MFHAS1: variants seen among roughly 807,000 people sequenced by gnomAD.
MFHAS1 encodes the protein multifunctional ROCO family signaling regulator 1, also known as malignant fibrous histiocytoma-amplified sequence 1.
A neutral mutation model predicts 70.4 loss-of-function variants in MFHAS1; 50 were observed. The observed-to-expected ratio is 0.71, with a 90% CI of 0.57 to 0.90. MFHAS1 has a LOEUF of 0.90. MFHAS1 is among the 40% of genes least tolerant of loss of function. The pLI is 0.00. For missense variants in MFHAS1, 1,795 were observed against 1,347.6 expected, an observed-to-expected ratio of 1.33 and a Z score of -5.20; for synonymous variants, 952 against 620.0, an observed-to-expected ratio of 1.54 and a Z score of -7.96.
intron 1 of MFHAS1, among the ~76,000 whole-genome samples, chr8:8,853,260 T>A (rs1394198022): frequency 1.3e-5 from 2 of 151,976 alleles, no homozygotes; most frequent in Non-Finnish European, 2.9e-5. Context: ...CACAGTTTGC[T>A]CGGAAGCTAC....
At chr8:8,791,162 T>C (rs1461670470) in intron 2 of MFHAS1, among the ~76,000 whole-genome samples, 18 of 138,306 alleles carry the variant, frequency 1.3e-4, no homozygotes, top group Non-Finnish European at 1.7e-4. Context: ...TGTTAACACA[T>C]GATCAGCCAA....
At chr8:8,882,163 C>T (rs1350711313) in intron 1 of MFHAS1, among the ~76,000 whole-genome samples, 1 of 152,074 alleles carries the variant, frequency 6.6e-6, no homozygotes, top group Non-Finnish European at 1.5e-5. Flanking sequence ...GGCAGACCAC[C>T]TGAGGTCAGG....
intron 1 of MFHAS1, among the ~76,000 whole-genome samples, chr8:8,875,017 C>A (rs886882834): frequency 1.3e-5 from 2 of 151,952 alleles, no homozygotes; most frequent in African/African-American, 4.8e-5. Context: ...TTCACATCCA[C>A]TAGTTAAAAT....
intron 1 of MFHAS1, among the ~76,000 whole-genome samples, chr8:8,879,499 C>G (rs1203941334): frequency 6.6e-6 from 1 of 152,174 alleles, no homozygotes; most frequent in African/African-American, 2.4e-5. Context: ...TTCTCGCAAA[C>G]AAGTAATCCA....
chr8:8,854,867 G>A (rs1808377036), intron 1 of MFHAS1, among the ~76,000 whole-genome samples: 1 of 152,054 alleles, frequency 6.6e-6, no homozygotes, highest in South Asian at 2.1e-4. Flanking sequence ...AAATTTAACT[G>A]GCTATCCTGT....
intron 1 of MFHAS1, among the ~76,000 whole-genome samples, chr8:8,852,048 T>C (rs892528686): frequency 6.6e-6 from 1 of 152,160 alleles, no homozygotes; most frequent in Non-Finnish European, 1.5e-5. Context: ...GGTGGTGGAA[T>C]GCCGGCTTCC....
chr8:8,815,028 C>G (rs1806689378), intron 1 of MFHAS1, among the ~76,000 whole-genome samples: 1 of 152,020 alleles, frequency 6.6e-6, no homozygotes, highest in Non-Finnish European at 1.5e-5. Flanking sequence ...TCACCGCCCC[C>G]CACACAGGCC....
rs1810183712 is a variant in MFHAS1 at position 8,893,472 on chromosome 8, G to A, written c.-414C>T. 1 of 145,644 alleles carries A rather than the reference G, an allele frequency of 6.9e-6. No individual in the cohort carries two copies. The highest frequency in any genetic ancestry group is 2.5e-5 in the African/African-American group (1 of 40,548). The allele number at this position is 145,644 out of a possible 1,614,324, so 9.0% of individuals were successfully genotyped here. A position where few individuals can be genotyped will look rare whatever the true frequency, so the allele number is the denominator to read the frequency against. ...TCGCCTCCTCGAGCTCCTGGGGGAGGGCGGCGCTCGGCCCGGCGGCGGGCA... is the reference window on the plus strand; with the variant it reads ...TCGCCTCCTCGAGCTCCTGGGGGAGAGCGGCGCTCGGCCCGGCGGCGGGCA... On this transcript the variant is annotated 5_prime_UTR_variant, in exon 1 of 3. Coordinates refer to ENST00000276282, the MANE Select transcript of MFHAS1 (RefSeq NM_004225.3).
At chr8:8,878,088 AC>A (rs139655750) in intron 1 of MFHAS1, among the ~76,000 whole-genome samples, 6,680 of 151,392 alleles carry the variant, frequency 0.044, 204 homozygotes, top group Non-Finnish European at 0.069. Flanking sequence ...CTTCTCTGAG[AC>A]CCCTGATGGC....
chr8:8,861,977 T>C (rs1190084243), intron 1 of MFHAS1, among the ~76,000 whole-genome samples: 1 of 152,262 alleles, frequency 6.6e-6, no homozygotes, highest in Non-Finnish European at 1.5e-5. Flanking sequence ...GTGGCAATTG[T>C]GGAAAAAGCT....
At chr8:8,842,972 G>A (rs1198606821) in intron 1 of MFHAS1, among the ~76,000 whole-genome samples, 1 of 152,202 alleles carries the variant, frequency 6.6e-6, no homozygotes, top group Non-Finnish European at 1.5e-5. Context: ...TAGCATCTAA[G>A]AAAGCGAAAG....
chr8:8,854,300 A>G (rs933974221), intron 1 of MFHAS1, among the ~76,000 whole-genome samples: 23 of 152,236 alleles, frequency 1.5e-4, no homozygotes, highest in African/African-American at 4.8e-4. Context: ...TGGGAGGTCA[A>G]GAAGAGGTCA....
intron 1 of MFHAS1, among the ~76,000 whole-genome samples, chr8:8,800,045 G>T (rs73517986): frequency 0.051 from 7,714 of 152,298 alleles, 420 homozygotes; most frequent in African/African-American, 0.13. Context: ...CCAGGCTAAT[G>T]CCTCCCCAAA....
chr8:8,836,961 G>C (rs1205315618), intron 1 of MFHAS1, among the ~76,000 whole-genome samples: 4 of 152,082 alleles, frequency 2.6e-5, no homozygotes, highest in Non-Finnish European at 4.4e-5. Context: ...CATTCTGTCT[G>C]CTTAATGTCA....
At chr8:8,841,868 C>A (rs1807839838) in intron 1 of MFHAS1, among the ~76,000 whole-genome samples, 1 of 152,156 alleles carries the variant, frequency 6.6e-6, no homozygotes, top group Non-Finnish European at 1.5e-5. Flanking sequence ...GGAAATATGC[C>A]ATCCTACTTT....
At chr8:8,851,566 C>G (rs1164454844) in intron 1 of MFHAS1, among the ~76,000 whole-genome samples, 1 of 152,154 alleles carries the variant, frequency 6.6e-6, no homozygotes, top group Non-Finnish European at 1.5e-5. Flanking sequence ...ACAACAAAAT[C>G]GTGTTTCCAT....
At chr8:8,867,340 G>T (rs1808897098) in intron 1 of MFHAS1, among the ~76,000 whole-genome samples, 1 of 151,938 alleles carries the variant, frequency 6.6e-6, no homozygotes, top group Non-Finnish European at 1.5e-5. Context: ...TGCTTCTTAT[G>T]GTTCCTAAGA....
At chr8:8,801,859 A>G (rs1272351869) in intron 1 of MFHAS1, among the ~76,000 whole-genome samples, 1 of 152,134 alleles carries the variant, frequency 6.6e-6, no homozygotes, top group Non-Finnish European at 1.5e-5. Context: ...CCCCAAGGAA[A>G]TTTACAGGAG....
At chr8:8,853,653 G>A (rs897717030) in intron 1 of MFHAS1, among the ~76,000 whole-genome samples, 7 of 152,050 alleles carry the variant, frequency 4.6e-5, no homozygotes, top group Admixed American at 2.0e-4. Flanking sequence ...TGCAAACTCC[G>A]CCTCCAGGGT....
Sources: gnomAD v4.1 joint callset for allele counts (sites outside exome capture counted in the v4.1 genomes callset) on GRCh38, gnomAD v4.1.1 for gene constraint, MANE v1.5 for transcripts, NCBI Gene and HGNC (gene_info 2026-07-23, HGNC 2026-07-21) for gene names.